Variants in BCOR observed in about 807,000 individuals in gnomAD.
The protein encoded by BCOR is BCL6 corepressor, also known as BCL-6 corepressor.
BCOR carries 10 observed loss-of-function variants against 86.7 expected under a neutral mutation model. The ratio of observed to expected loss-of-function variants is 0.12; its 90% CI spans 0.07 to 0.20. BCOR has a LOEUF of 0.20. BCOR is among the 10% of genes least tolerant of loss of function. The probability of loss-of-function intolerance (pLI) is 1.00; values close to 1 mark genes in which losing one functional copy is unlikely to be tolerated. For synonymous variants in BCOR, 611 were observed against 609.0 expected (o/e 1.00, Z -0.05); for missense variants, 1,259 against 1,452.1 (o/e 0.87, Z 2.16).
At chrX:40,107,332 T>TG (rs1229753898) in intron 1 of BCOR, among the ~76,000 whole-genome samples, 1 of 107,548 alleles carries the variant, frequency 9.3e-6, no homozygotes, top group Non-Finnish European at 1.9e-5. Flanking sequence ...CCCAGCAGAG[T>TG]GGGGGACGCA....
intron 10 of BCOR, among the ~76,000 whole-genome samples, chrX:40,059,894 T>C (rs1405580848): frequency 1.8e-5 from 2 of 112,849 alleles, no homozygotes; most frequent in Non-Finnish European, 3.7e-5. Context: ...ATTGGCATCT[T>C]AGCCTAAGAA....
In BCOR at chrX:40,062,295, T is replaced by C. The variant is rs1934923051; in HGVS notation, c.4272A>G (p.Gln1424=). ...QEPKPFDRLQ[Q]LLPASQSTQL... ...GTGTGGACTGGGAGGCTGGTAGCAG[T>C]TGCTGCAAGCGGTCGAAGGGCTTTG... Residue 1424 remains glutamine (Q), a synonymous_variant, in exon 10 of 15, where the codon CAA becomes CAG. Transcript: ENST00000378444. 1 of 1,210,524 alleles carries C rather than the reference T, an allele frequency of 8.3e-7. No individual in the cohort carries two copies. Among genetic ancestry groups the C allele is most frequent in the Non-Finnish European group, 1.1e-6 (1 of 894,982 alleles).
intron 10 of BCOR, among the ~76,000 whole-genome samples, chrX:40,059,676 C>T (rs1228658028): frequency 2.7e-5 from 3 of 113,062 alleles, no homozygotes; most frequent in African/African-American, 9.6e-5. Context: ...CCGCCCATTC[C>T]CAAACAAAAT....
At position 40,063,952 on chromosome X, in the gene BCOR, T is replaced by A; in HGVS notation, c.3503A>T (p.Asp1168Val). Residue 1168 changes from aspartate to valine, a missense_variant and splice_region_variant, in exon 8 of 15, where the codon GAT becomes GTT. Coordinates refer to ENST00000378444, the MANE Select transcript of BCOR (RefSeq NM_001123385.2). ...LKAKRRRVSK[D>V]DWPEREMTNS... ...TGTCATTTCCCTCTCAGGCCAGTCATCTAATGGAGAAATAACTACAAATTA... is the reference window on the plus strand; with the variant it reads ...TGTCATTTCCCTCTCAGGCCAGTCAACTAATGGAGAAATAACTACAAATTA... 1 of 1,152,621 alleles carries A rather than the reference T, an allele frequency of 8.7e-7. No individual in the cohort carries two copies. Among genetic ancestry groups the A allele is most frequent in the Non-Finnish European group, 1.2e-6 (1 of 858,825 alleles). The allele number at this position is 1,152,621 out of a possible 1,213,427, so 95.0% of individuals were successfully genotyped here. A position where few individuals can be genotyped will look rare whatever the true frequency, so the allele number is the denominator to read the frequency against.
intron 1 of BCOR, among the ~76,000 whole-genome samples, chrX:40,110,902 G>A (rs1191024400): frequency 1.9e-5 from 2 of 107,737 alleles, no homozygotes; most frequent in Non-Finnish European, 3.8e-5. Flanking sequence ...TAGTAGAGAC[G>A]GGGTTTCACC....
chrX:40,077,759 G>A, intron 2 of BCOR, 85 bp downstream of exon 2: 1 of 898,199 alleles, frequency 1.1e-6, no homozygotes, highest in Non-Finnish European at 1.6e-6. Context: ...ACCCCTTTTG[G>A]GCCCACGGTG....
At chrX:40,120,986 G>T (rs1279744024) in intron 1 of BCOR, among the ~76,000 whole-genome samples, 2 of 111,570 alleles carry the variant, frequency 1.8e-5, no homozygotes, top group Non-Finnish European at 3.8e-5. Flanking sequence ...TGAGAGTTTT[G>T]CAGGCAGAGG....
intron 1 of BCOR, among the ~76,000 whole-genome samples, chrX:40,138,124 G>A (rs962297796): frequency 9.0e-6 from 1 of 111,422 alleles, no homozygotes; most frequent in East Asian, 2.8e-4. Flanking sequence ...GGCTAATTTT[G>A]TATTTTTAGT....
At chrX:40,096,514 GT>G (rs34840935) in intron 1 of BCOR, among the ~76,000 whole-genome samples, 18,471 of 106,801 alleles carry the variant, frequency 0.17, 3,199 homozygotes, top group African/African-American at 0.52. Context: ...TTTCTTAGTA[GT>G]TTTTTTTTTT....
At chrX:40,080,153 T>C (rs970242077) in intron 1 of BCOR, among the ~76,000 whole-genome samples, 3 of 85,354 alleles carry the variant, frequency 3.5e-5, no homozygotes, top group Non-Finnish European at 6.0e-5. Context: ...TTAAAAAAGC[T>C]GCCTCTGGCC....
intron 1 of BCOR, among the ~76,000 whole-genome samples, chrX:40,148,603 A>G (rs1421199539): frequency 9.0e-6 from 1 of 111,579 alleles, no homozygotes; most frequent in African/African-American, 3.3e-5. Flanking sequence ...CAGGAGACAC[A>G]GCCTGCAGGA....
At chrX:40,119,955 A>C (rs1937458493) in intron 1 of BCOR, among the ~76,000 whole-genome samples, 1 of 106,716 alleles carries the variant, frequency 9.4e-6, no homozygotes, top group African/African-American at 3.4e-5. Context: ...GGGTTGGGGG[A>C]GGGCAGTGTG....
At chrX:40,128,316 C>T (rs906822683) in intron 1 of BCOR, among the ~76,000 whole-genome samples, 2 of 111,139 alleles carry the variant, frequency 1.8e-5, no homozygotes, top group East Asian at 2.8e-4. Context: ...GAGGCCGAGG[C>T]GGGCAGATCA....
intron 1 of BCOR, among the ~76,000 whole-genome samples, chrX:40,170,858 T>G (rs902117132): frequency 8.9e-6 from 1 of 112,352 alleles, no homozygotes; most frequent in African/African-American, 3.2e-5. Flanking sequence ...AAAGGGCTGA[T>G]TTCTACTTTG....
intron 1 of BCOR, among the ~76,000 whole-genome samples, chrX:40,106,671 C>A (rs1937193784): frequency 8.8e-6 from 1 of 113,119 alleles, no homozygotes; most frequent in South Asian, 3.6e-4. Flanking sequence ...TTCTCCGCGG[C>A]CCCGCGCGTC....
chrX:40,072,441 A>T lies in BCOR; in HGVS notation c.2905T>A (p.Ser969Thr). 1 of 1,211,283 alleles carries T rather than the reference A, an allele frequency of 8.3e-7. No individual in the cohort carries two copies. The highest frequency in any genetic ancestry group is 1.1e-6 in the Non-Finnish European group (1 of 895,189). ...PSKLAKRIAN[S>T]AGYVGDRFKC... ...AATCGGTCACCCACGTAACCCGCTGAGTTGGCGATTCTCTTTGCCAGCTTA... is the reference window on the plus strand; with the variant it reads ...AATCGGTCACCCACGTAACCCGCTGTGTTGGCGATTCTCTTTGCCAGCTTA... The change falls in exon 4 of 15, where the codon TCA (serine) becomes ACA (threonine). Residue 969 changes from serine (S) to threonine (T), a missense_variant. Ser to Thr is a moderately conservative substitution (Grantham distance 58, BLOSUM62 1). Around this residue, in one of 7 missense-constraint regions of BCOR, gnomAD observed 56 missense variants for 106.6 expected, o/e 0.53. Transcript: ENST00000378444.
At position 40,075,009 on chromosome X, in the gene BCOR, C is replaced by A. The variant is rs764643300; in HGVS notation, c.337G>T (p.Gly113Trp). Reference sequence around the variant, plus strand: ...TCTGGATTTCTTTCCGAAGAAAACCCAAGGCCACCTAGAGTGCTTGTGGCA... The same window carrying A: ...TCTGGATTTCTTTCCGAAGAAAACCAAAGGCCACCTAGAGTGCTTGTGGCA... ...EAATSTLGGL[G>W]FSSERNPEMQ... The change falls in exon 4 of 15, where the codon GGG becomes TGG. Residue 113 changes from glycine (G) to tryptophan (W), a missense_variant. This residue lies in a region of BCOR where 174 missense variants were observed against 189.3 expected (regional missense o/e 0.92). Transcript: ENST00000378444. The A allele has an allele frequency of 2.5e-6, 3 of 1,208,576 alleles. No homozygotes were observed. The highest frequency in any genetic ancestry group is 3.4e-6 in the Non-Finnish European group (3 of 893,762).
chrX:40,168,918 C>CCCCGCCCGCCCG (rs760848848), intron 1 of BCOR, among the ~76,000 whole-genome samples: 1 of 112,749 alleles, frequency 8.9e-6, no homozygotes, highest in African/African-American at 3.2e-5. Context: ...TCCTGGCCTC[C>CCCCGCCCGCCCG]CCCGCCCGCC....
At chrX:40,085,610 G>A (rs954039186) in intron 1 of BCOR, among the ~76,000 whole-genome samples, 1 of 111,629 alleles carries the variant, frequency 9.0e-6, no homozygotes, top group African/African-American at 3.3e-5. Flanking sequence ...GGGGACAGGA[G>A]AGAATGAAGT....
Sources: allele counts gnomAD v4.1 joint callset (sites outside exome capture counted in the v4.1 genomes callset), GRCh38; gene constraint gnomAD v4.1.1; regional missense constraint gnomAD v4.1.1; transcripts MANE v1.5; gene names NCBI Gene and HGNC (gene_info 2026-07-23, HGNC 2026-07-21).